Variants in CLDN16 observed in about 807,000 individuals in gnomAD.
CLDN16 encodes the protein claudin-16.
CLDN16 carries 13 observed loss-of-function variants against 24.6 expected under a neutral mutation model. That is an observed-to-expected ratio of 0.53 (90% CI 0.34 to 0.84). The LOEUF (loss-of-function observed/expected upper bound fraction) is 0.84. Ranked by LOEUF, CLDN16 falls within the 40% of genes least tolerant of loss-of-function variation. The pLI, the probability that CLDN16 is intolerant of heterozygous loss-of-function variation, is 0.01. For synonymous variants in CLDN16, 116 were observed against 106.7 expected (o/e 1.09, Z -0.54); for missense variants, 298 against 292.7 (o/e 1.02, Z -0.13).
intron 1 of CLDN16, among the ~76,000 whole-genome samples, chr3:190,368,176 G>T (rs1700855887): frequency 6.6e-6 from 1 of 151,926 alleles, no homozygotes; most frequent in African/African-American, 2.4e-5. Flanking sequence ...CAGAATTGAT[G>T]ATCTGTTACT....
the CLDN16 span, chr3:190,308,291 T>G: frequency 6.8e-6 from 11 of 1,613,736 alleles, no homozygotes; most frequent in South Asian, 1.1e-4. Flanking sequence ...ACGTAGTCTT[T>G]CCCGCTGGAA....
chr3:190,329,468 G>C (rs552392042), intron 1 of CLDN16, among the ~76,000 whole-genome samples: 2 of 152,130 alleles, frequency 1.3e-5, no homozygotes, highest in Non-Finnish European at 2.9e-5. Flanking sequence ...AGAGGAAGGA[G>C]AAGCTCAACC....
chr3:190,301,500 A>AAAAG, the CLDN16 span, among the ~76,000 whole-genome samples: 6 of 146,436 alleles, frequency 4.1e-5, no homozygotes, highest in African/African-American at 1.6e-4. Context: ...TCTCAAAAAA[A>AAAAG]AAGAAGAAGA....
At chr3:190,396,715 C>T (rs1054509581) in intron 1 of CLDN16, among the ~76,000 whole-genome samples, 7 of 152,078 alleles carry the variant, frequency 4.6e-5, no homozygotes, top group Admixed American at 2.0e-4. Context: ...ATTTTAAATG[C>T]TATAATAATA....
chr3:190,323,905 T>A (rs1420932522), intron 1 of CLDN16, among the ~76,000 whole-genome samples: 1 of 152,164 alleles, frequency 6.6e-6, no homozygotes, highest in Non-Finnish European at 1.5e-5. Context: ...AATACTGTCT[T>A]TCTCCTATCA....
chr3:190,350,835 A>G (rs557119300), intron 1 of CLDN16, among the ~76,000 whole-genome samples: 1 of 152,304 alleles, frequency 6.6e-6, no homozygotes, highest in Admixed American at 6.5e-5. Context: ...TCAAGGGTTC[A>G]CTATGATTTT....
intron 1 of CLDN16, among the ~76,000 whole-genome samples, chr3:190,351,043 T>C (rs1717661716): frequency 6.6e-6 from 1 of 152,098 alleles, no homozygotes; most frequent in Non-Finnish European, 1.5e-5. Context: ...AATGGCTTGG[T>C]GCTCTCCTTG....
rs1162460261 is a variant in CLDN16, at chr3:190,380,755, C to T, written n.306+6152C>T. Among the ~76,000 whole-genome samples the T allele has an allele frequency of 4.0e-5, 6 of 151,638 alleles. No individual in the cohort carries two copies. In the South Asian group the frequency reaches 6.2e-4, roughly 16 times the overall value. On this transcript the variant is annotated intron_variant and non_coding_transcript_variant, in intron 3 of 4. Transcript: ENST00000468220. ...TCGCGCCATTGCACTCCAGCCTGGG[C>T]GACAAGAGTAAAACTCCATCTAAAA...
chr3:190,365,809 T>C (rs1466216378), intron 1 of CLDN16, among the ~76,000 whole-genome samples: 1 of 151,742 alleles, frequency 6.6e-6, no homozygotes, highest in Non-Finnish European at 1.5e-5. Flanking sequence ...ATTCCTCCCC[T>C]AGCCGACCCA....
intron 1 of CLDN16, among the ~76,000 whole-genome samples, chr3:190,397,294 T>C (rs1387920427): frequency 6.6e-6 from 1 of 152,054 alleles, no homozygotes; most frequent in African/African-American, 2.4e-5. Context: ...ATTAGCATTG[T>C]TTTAACGTTA....
At chr3:190,340,066 A>G (rs940097427) in intron 1 of CLDN16, among the ~76,000 whole-genome samples, 5 of 152,376 alleles carry the variant, frequency 3.3e-5, no homozygotes, top group Admixed American at 1.3e-4. Flanking sequence ...AAAAAGCCAC[A>G]TGATCATATC....
the CLDN16 span, among the ~76,000 whole-genome samples, chr3:190,294,491 G>T: frequency 6.6e-6 from 1 of 151,980 alleles, no homozygotes; most frequent in African/African-American, 2.4e-5. Context: ...TTTCTGGATT[G>T]TGCACGCTTT....
chr3:190,310,544 C>A, the CLDN16 span, among the ~76,000 whole-genome samples: 1 of 152,098 alleles, frequency 6.6e-6, no homozygotes, highest in Non-Finnish European at 1.5e-5. Flanking sequence ...TGTACAAAAT[C>A]TCTTTTAAAT....
At chr3:190,310,533 T>G in the CLDN16 span, among the ~76,000 whole-genome samples, 1 of 152,230 alleles carries the variant, frequency 6.6e-6, no homozygotes, top group East Asian at 1.9e-4. Context: ...CAGGTGTATG[T>G]TGTACAAAAT....
chr3:190,341,183 G>A (rs148159501), intron 1 of CLDN16, among the ~76,000 whole-genome samples: 83 of 152,312 alleles, frequency 5.4e-4, no homozygotes, highest in African/African-American at 2.0e-3. Context: ...GTTCGACTAG[G>A]TGGTGCCCCA....
At chr3:190,334,830 T>G (rs1158579447) in intron 1 of CLDN16, among the ~76,000 whole-genome samples, 2 of 152,158 alleles carry the variant, frequency 1.3e-5, no homozygotes, top group East Asian at 3.9e-4. Flanking sequence ...GTATGCAGCT[T>G]TCCTCTTCAC....
At chr3:190,310,757 T>C in the CLDN16 span, among the ~76,000 whole-genome samples, 5 of 152,156 alleles carry the variant, frequency 3.3e-5, no homozygotes, top group East Asian at 7.7e-4. Flanking sequence ...TGGACCAGAA[T>C]ACCTGCATTA....
chr3:190,368,221 AT>A (rs1467567792), intron 1 of CLDN16, among the ~76,000 whole-genome samples: 4 of 151,960 alleles, frequency 2.6e-5, no homozygotes, highest in African/African-American at 9.7e-5. Context: ...TGTGGCTTTC[AT>A]CTTGAAAGCA....
the CLDN16 span, chr3:190,310,160 T>G: frequency 1.2e-6 from 2 of 1,609,750 alleles, no homozygotes; most frequent in Non-Finnish European, 1.7e-6. Context: ...TACGCCTGAA[T>G]AGCGTTACCT....
Sources: gnomAD v4.1 joint callset for allele counts (sites outside exome capture counted in the v4.1 genomes callset) on GRCh38, gnomAD v4.1.1 for gene constraint, MANE v1.5 for transcripts, NCBI Gene and HGNC (gene_info 2026-07-23, HGNC 2026-07-21) for gene names.